Variants in ERAP1 observed in about 807,000 individuals in gnomAD.
ERAP1 encodes adipocyte-derived leucine aminopeptidase.
ERAP1 carries 86 observed loss-of-function variants against 103.7 expected under a neutral mutation model. The ratio of observed to expected loss-of-function variants is 0.83; its 90% CI spans 0.70 to 0.99. The LOEUF (loss-of-function observed/expected upper bound fraction) is 0.99. Ranked by LOEUF, ERAP1 falls within the 50% of genes least tolerant of loss-of-function variation. The pLI, the probability that ERAP1 is intolerant of heterozygous loss-of-function variation, is 0.00. For missense variants in ERAP1, 1,009 were observed against 1,128.4 expected (o/e 0.89, Z 1.52); for synonymous variants, 398 against 402.4 (o/e 0.99, Z 0.13).
chr5:96,859,982 G>A, the ERAP1 span, among the ~76,000 whole-genome samples: 7,404 of 152,158 alleles, frequency 0.049, 222 homozygotes, highest in South Asian at 0.11. Context: ...ATGGCATATC[G>A]TTTTGTGATT....
At chr5:96,898,024 CG>C in the ERAP1 span, among the ~76,000 whole-genome samples, 1 of 152,078 alleles carries the variant, frequency 6.6e-6, no homozygotes. Flanking sequence ...CGTGGAACCC[CG>C]TCTGTACTAG....
At chr5:96,818,699 T>C in the ERAP1 span, among the ~76,000 whole-genome samples, 1 of 152,116 alleles carries the variant, frequency 6.6e-6, no homozygotes, top group Non-Finnish European at 1.5e-5. Context: ...GATAGTTTTA[T>C]TGCGGTGAGA....
chr5:96,807,145 G>C (rs1778713433), intron 1 of ERAP1, among the ~76,000 whole-genome samples: 1 of 152,132 alleles, frequency 6.6e-6, no homozygotes, highest in African/African-American at 2.4e-5. Flanking sequence ...AATTAACTTT[G>C]TAGGACCACC....
At chr5:96,889,462 A>G in the ERAP1 span, 7 of 836,208 alleles carry the variant, frequency 8.4e-6, no homozygotes, top group Non-Finnish European at 1.4e-5. Context: ...TCTTGAGTGT[A>G]GAAAATAAAA....
At chr5:96,852,018 T>C in the ERAP1 span, among the ~76,000 whole-genome samples, 3 of 152,182 alleles carry the variant, frequency 2.0e-5, no homozygotes, top group Non-Finnish European at 4.4e-5. Flanking sequence ...TTCTGTCATG[T>C]GGAGAGAGGG....
At chr5:96,780,269 T>C (rs1199404173) in intron 18 of ERAP1, among the ~76,000 whole-genome samples, 154 bp downstream of exon 18, 1 of 152,266 alleles carries the variant, frequency 6.6e-6, no homozygotes. Flanking sequence ...GCAACTGATT[T>C]ATGCTGCTGT....
At chr5:96,808,755 C>T (rs759593271), upstream of ERAP1, among the ~76,000 whole-genome samples, 2 of 152,162 alleles carry the variant, frequency 1.3e-5, no homozygotes, top group Non-Finnish European at 2.9e-5. Context: ...CATCTTTAAA[C>T]AGTTGAGGCT....
chr5:96,788,403 T>C, intron 11 of ERAP1, 128 bp downstream of exon 11: 1 of 1,158,776 alleles, frequency 8.6e-7, no homozygotes, highest in Non-Finnish European at 1.3e-6. Context: ...GTCAACTTCA[T>C]AGGATACACA....
At chr5:96,871,307 T>C in the ERAP1 span, among the ~76,000 whole-genome samples, 1 of 152,240 alleles carries the variant, frequency 6.6e-6, no homozygotes. Flanking sequence ...CTGTCTTGGG[T>C]TGCCTGATAT....
chr5:96,851,023 A>G, the ERAP1 span, among the ~76,000 whole-genome samples: 1 of 152,138 alleles, frequency 6.6e-6, no homozygotes, highest in Admixed American at 6.6e-5. Flanking sequence ...TGACATGCTC[A>G]GTTTCTTTCA....
chr5:96,836,482 G>A, the ERAP1 span, among the ~76,000 whole-genome samples: 5 of 152,124 alleles, frequency 3.3e-5, no homozygotes, highest in Admixed American at 1.3e-4. Flanking sequence ...GATTACAGGC[G>A]TGAGCCACCA....
At chr5:96,881,780 A>G in the ERAP1 span, among the ~76,000 whole-genome samples, 1 of 152,100 alleles carries the variant, frequency 6.6e-6, no homozygotes, top group Non-Finnish European at 1.5e-5. Context: ...GACACGGGGG[A>G]GAGATAAGGG....
chr5:96,844,408 C>T, the ERAP1 span, among the ~76,000 whole-genome samples: 2 of 152,222 alleles, frequency 1.3e-5, no homozygotes, highest in Non-Finnish European at 2.9e-5. Flanking sequence ...GCCACCACCA[C>T]TACCCATTTC....
At chr5:96,935,555 T>G in the ERAP1 span, 1 of 152,966 alleles carries the variant, frequency 6.5e-6, no homozygotes, top group Non-Finnish European at 1.5e-5. Context: ...AGACTTCGGC[T>G]TCAGTGGCAC....
At chr5:96,869,947 C>CA in the ERAP1 span, among the ~76,000 whole-genome samples, 1 of 151,920 alleles carries the variant, frequency 6.6e-6, no homozygotes, top group Non-Finnish European at 1.5e-5. Flanking sequence ...TAAACACAGA[C>CA]AAAATAGAAA....
chr5:96,899,606 C>T, the ERAP1 span, among the ~76,000 whole-genome samples: 1 of 152,072 alleles, frequency 6.6e-6, no homozygotes, highest in East Asian at 1.9e-4. Flanking sequence ...TTATTTTATT[C>T]CCAGTTAGTT....
rs1774016430 is a variant in ERAP1 at position 96,775,357 on chromosome 5, G to A, written c.*1039C>T. 1 of 985,098 alleles carries A rather than the reference G, an allele frequency of 1.0e-6. No homozygotes were observed. Among genetic ancestry groups the A allele is most frequent in the African/African-American group, 1.7e-5 (1 of 57,176 alleles). 61.0% of individuals were successfully genotyped at this position (985,098 alleles called of 1,614,324 possible). On this transcript the variant is annotated 3_prime_UTR_variant, in exon 19 of 19. Coordinates refer to ENST00000443439, the MANE Select transcript of ERAP1 (RefSeq NM_001040458.3). The stretch of plus-strand genomic sequence containing the variant: ...AATGTACTATCATTTATTGGTGACT[G>A]CAATAATTTACTGTCAGTAAATGCC...
the ERAP1 span, among the ~76,000 whole-genome samples, chr5:96,860,533 C>T: frequency 6.6e-6 from 1 of 152,166 alleles, no homozygotes; most frequent in Non-Finnish European, 1.5e-5. Flanking sequence ...TTAGCAACTA[C>T]TGTGTGCCAA....
At chr5:96,909,433 AAAAAGAT>A in the ERAP1 span, 1 of 692,462 alleles carries the variant, frequency 1.4e-6, no homozygotes, top group Non-Finnish European at 2.4e-6. Context: ...TAACAGCCAG[AAAAAGAT>A]AAGAGAAATA....
Sources: allele counts gnomAD v4.1 joint callset (sites outside exome capture counted in the v4.1 genomes callset), GRCh38; gene constraint gnomAD v4.1.1; transcripts MANE v1.5; gene names NCBI Gene and HGNC (gene_info 2026-07-23, HGNC 2026-07-21).